MIS18A: variants seen among roughly 807,000 people sequenced by gnomAD.
MIS18A encodes protein Mis18-alpha.
In MIS18A, 14 loss-of-function variants were observed where a neutral mutation model predicts 25.0. That is an observed-to-expected ratio of 0.56 (90% confidence interval 0.37 to 0.88). The LOEUF is 0.88. MIS18A is among the 40% of genes least tolerant of loss of function. MIS18A has a pLI of 0.00. For missense variants in MIS18A, 292 were observed against 290.8 expected, an observed-to-expected ratio of 1.00 and a Z score of -0.03; for synonymous variants, 134 against 118.6, an observed-to-expected ratio of 1.13 and a Z score of -0.84.
the MIS18A span, among the ~76,000 whole-genome samples, chr21:32,160,874 G>T: frequency 1.3e-5 from 2 of 152,016 alleles, no homozygotes; most frequent in Non-Finnish European, 2.9e-5. Context: ...CAGGTGATCC[G>T]CCTGCCTCAG....
intron 1 of MIS18A, among the ~76,000 whole-genome samples, chr21:32,277,450 T>C (rs2031835644): frequency 1.3e-5 from 2 of 152,128 alleles, no homozygotes; most frequent in African/African-American, 4.8e-5. Context: ...AAAAATCTGC[T>C]TTTTTCTTTT....
At chr21:32,184,804 AC>A in the MIS18A span, among the ~76,000 whole-genome samples, 1 of 151,728 alleles carries the variant, frequency 6.6e-6, no homozygotes, top group Non-Finnish European at 1.5e-5. Flanking sequence ...TGGGCACAAA[AC>A]CTCAACTACT....
the MIS18A span, among the ~76,000 whole-genome samples, chr21:32,205,792 C>A: frequency 6.6e-6 from 1 of 152,152 alleles, no homozygotes; most frequent in Non-Finnish European, 1.5e-5. Context: ...CTGCTTTCTA[C>A]TCTCAGCTTG....
intron 2 of MIS18A, 142 bp downstream of exon 2, chr21:32,274,688 G>A (rs2031777741): frequency 1.6e-6 from 1 of 643,312 alleles, no homozygotes; most frequent in South Asian, 2.2e-5. Context: ...GCAAAAAAAA[G>A]AACTGATATA....
At chr21:32,223,710 C>G in the MIS18A span, among the ~76,000 whole-genome samples, 1 of 152,228 alleles carries the variant, frequency 6.6e-6, no homozygotes, top group Non-Finnish European at 1.5e-5. Flanking sequence ...AAAAGAGGAG[C>G]TGGTACCATT....
the MIS18A span, among the ~76,000 whole-genome samples, chr21:32,187,857 T>C: frequency 1.3e-5 from 2 of 152,226 alleles, no homozygotes; most frequent in African/African-American, 4.8e-5. Context: ...CCAAAATTCG[T>C]ATGTGAAATT....
chr21:32,208,868 C>A, the MIS18A span, among the ~76,000 whole-genome samples: 1 of 152,184 alleles, frequency 6.6e-6, no homozygotes, highest in African/African-American at 2.4e-5. Flanking sequence ...GGAGCCAGGT[C>A]CTTGCATTTC....
the MIS18A span, among the ~76,000 whole-genome samples, chr21:32,174,870 G>T: frequency 2.0e-5 from 3 of 152,060 alleles, no homozygotes; most frequent in African/African-American, 7.2e-5. Context: ...ACCATATCCT[G>T]GTCATAACAC....
At chr21:32,255,498 C>G in the MIS18A span, among the ~76,000 whole-genome samples, 61,395 of 150,636 alleles carry the variant, frequency 0.41, 14,823 homozygotes, top group African/African-American at 0.68. Context: ...CTCCCAAAGT[C>G]CTGGGATTAC....
chr21:32,264,341 AAAAT>A (rs1251234893), downstream of MIS18A, among the ~76,000 whole-genome samples: 2 of 152,116 alleles, frequency 1.3e-5, no homozygotes, highest in Admixed American at 6.5e-5. Context: ...AACTGGGAAA[AAAAT>A]AAAGCCAATA....
the MIS18A span, among the ~76,000 whole-genome samples, chr21:32,255,866 G>C: frequency 6.6e-6 from 1 of 151,684 alleles, no homozygotes; most frequent in South Asian, 2.1e-4. Flanking sequence ...ACTCCAGCCT[G>C]GGTGACAGAG....
At chr21:32,210,668 G>A in the MIS18A span, among the ~76,000 whole-genome samples, 1 of 152,200 alleles carries the variant, frequency 6.6e-6, no homozygotes, top group East Asian at 1.9e-4. Context: ...GAGCAGGAAT[G>A]TTTGTGCTGA....
At chr21:32,158,821 C>G in the MIS18A span, among the ~76,000 whole-genome samples, 2 of 134,852 alleles carry the variant, frequency 1.5e-5, no homozygotes, top group Non-Finnish European at 3.1e-5. Flanking sequence ...TATACAACAC[C>G]CTTAAAAATT....
At chr21:32,274,697 T>C (rs2031777857) in intron 2 of MIS18A, 133 bp downstream of exon 2, 1 of 687,126 alleles carries the variant, frequency 1.5e-6, no homozygotes, top group Non-Finnish European at 2.5e-6. Flanking sequence ...AGAACTGATA[T>C]ATGCGAACGA....
intron 4 of MIS18A, among the ~76,000 whole-genome samples, 173 bp from the exon 5 acceptor site, chr21:32,269,290 A>C (rs567198936): frequency 6.6e-6 from 1 of 152,336 alleles, no homozygotes; most frequent in African/African-American, 2.4e-5. Context: ...TTTAAAAATA[A>C]AGCATAATTC....
downstream of MIS18A, among the ~76,000 whole-genome samples, chr21:32,266,146 G>A (rs552104072): frequency 2.0e-5 from 3 of 150,006 alleles, no homozygotes; most frequent in Non-Finnish European, 4.5e-5. Flanking sequence ...AGCACCCTGT[G>A]TTTAGCTCAA....
the MIS18A span, among the ~76,000 whole-genome samples, chr21:32,203,108 AT>A: frequency 1.3e-5 from 2 of 152,124 alleles, no homozygotes; most frequent in African/African-American, 4.8e-5. Context: ...TACCCCCCAA[AT>A]AAAGATGAAA....
chr21:32,162,882 CT>C, the MIS18A span, among the ~76,000 whole-genome samples: 3 of 152,218 alleles, frequency 2.0e-5, no homozygotes. Flanking sequence ...AGTTTTCCAT[CT>C]TGCTATTAAA....
chr21:32,259,229 G>C, the MIS18A span, among the ~76,000 whole-genome samples: 1 of 152,128 alleles, frequency 6.6e-6, no homozygotes, highest in Admixed American at 6.5e-5. Flanking sequence ...GTGGCCAGGG[G>C]CTCGAGGGAA....
Sources: allele counts gnomAD v4.1 joint callset (sites outside exome capture counted in the v4.1 genomes callset), GRCh38; gene constraint gnomAD v4.1.1; transcripts MANE v1.5; gene names NCBI Gene and HGNC (gene_info 2026-07-23, HGNC 2026-07-21).